C4orf50: variants seen among roughly 807,000 people sequenced by gnomAD.
The protein encoded by C4orf50 is uncharacterized protein C4orf50.
A neutral mutation model predicts 77.2 loss-of-function variants in C4orf50; 80 were observed. That is an observed-to-expected ratio of 1.04 (90% CI 0.87 to 1.25). C4orf50 has a LOEUF of 1.25. Ranked by LOEUF, C4orf50 falls within the 50% of genes most tolerant of loss-of-function variation. The pLI is 0.00. For synonymous variants in C4orf50, 532 were observed against 465.3 expected, an observed-to-expected ratio of 1.14 and a Z score of -1.84; for missense variants, 1,257 against 1,152.9, an observed-to-expected ratio of 1.09 and a Z score of -1.31.
chr4:5,952,427 C>T (rs976291794), downstream of C4orf50, among the ~76,000 whole-genome samples: 8 of 152,198 alleles, frequency 5.3e-5, no homozygotes, highest in African/African-American at 1.9e-4. The surrounding 1 kb of genome is among the most constrained non-coding windows in gnomAD (Gnocchi z 4.4). Context: ...CGGCAGGCAC[C>T]TCCAGGGCGA....
chr4:5,911,197 C>A (rs1716791585), intron 7 of C4orf50, among the ~76,000 whole-genome samples: 1 of 152,180 alleles, frequency 6.6e-6, no homozygotes, highest in South Asian at 2.1e-4. Flanking sequence ...GCGTAAGCCA[C>A]CATGCCCGGC....
intron 25 of C4orf50, among the ~76,000 whole-genome samples, chr4:5,995,546 G>C (rs1180535799): frequency 2.7e-5 from 4 of 148,322 alleles, no homozygotes; most frequent in African/African-American, 1.0e-4. Context: ...CTCACGAGGG[G>C]CTGGGCACAG....
chr4:6,006,569 A>T (rs1722260403), intron 25 of C4orf50, among the ~76,000 whole-genome samples: 1 of 152,270 alleles, frequency 6.6e-6, no homozygotes, highest in African/African-American at 2.4e-5. Context: ...CTTCATAAGC[A>T]TTACATGAAA....
chr4:5,990,679 G>C, exon 28 of C4orf50: 1 of 399,218 alleles, frequency 2.5e-6, no homozygotes, highest in East Asian at 3.6e-5. Context: ...CAGGAGAAAG[G>C]CTTCTGCAGC....
chr4:6,015,129 C>A lies in C4orf50; in HGVS notation c.287+3016G>T, dbSNP rs773353729. Among the ~76,000 whole-genome samples the A allele has an allele frequency of 1.3e-5, 2 of 152,196 alleles. No homozygotes were observed. Among genetic ancestry groups the A allele is most frequent in the African/African-American group, 4.8e-5 (2 of 41,444 alleles). On this transcript the variant is annotated intron_variant, in intron 23 of 33. Coordinates refer to ENST00000531445, the Ensembl canonical transcript of C4orf50. This position sits in a 1 kb window ranked among gnomAD's most constrained non-coding sequence, Gnocchi z 4.4. ...GCCCTGCCTTCCCCAACTCTCAGCACCCAGGACTTCTGTTATGGGCTCAAC... is the reference window on the plus strand; with the variant it reads ...GCCCTGCCTTCCCCAACTCTCAGCAACCAGGACTTCTGTTATGGGCTCAAC...
chr4:5,964,580 CA>C (rs1338504097), intron 33 of C4orf50, among the ~76,000 whole-genome samples: 4 of 151,916 alleles, frequency 2.6e-5, no homozygotes. Flanking sequence ...CCAGCCTGGC[CA>C]ACAGAGTGAA....
downstream of C4orf50, among the ~76,000 whole-genome samples, chr4:5,952,865 G>A (rs1465905218): frequency 1.3e-5 from 2 of 152,192 alleles, no homozygotes; most frequent in African/African-American, 2.4e-5. The surrounding 1 kb of genome is among the most constrained non-coding windows in gnomAD (Gnocchi z 4.4). Flanking sequence ...GGCACCGGCT[G>A]TGTGCATCCA....
chr4:5,954,355 G>C (rs114431945), downstream of C4orf50, among the ~76,000 whole-genome samples: 1 of 152,078 alleles, frequency 6.6e-6, no homozygotes, highest in African/African-American at 2.4e-5. This position sits in a 1 kb window ranked among gnomAD's most constrained non-coding sequence, Gnocchi z 4.7. Context: ...CAGCTCCCCC[G>C]ACCCCTGCCC....
downstream of C4orf50, among the ~76,000 whole-genome samples, chr4:5,954,507 G>A (rs149553200): frequency 2.1e-3 from 319 of 152,262 alleles, 2 homozygotes; most frequent in African/African-American, 7.2e-3. This position sits in a 1 kb window ranked among gnomAD's most constrained non-coding sequence, Gnocchi z 4.7. Flanking sequence ...AAGGAGAGGA[G>A]AAAAGATGGA....
At chr4:5,927,072 G>A (rs1031382654) in intron 7 of C4orf50, among the ~76,000 whole-genome samples, 17 of 152,182 alleles carry the variant, frequency 1.1e-4, no homozygotes, top group African/African-American at 3.6e-4. Context: ...AAGATAGGGA[G>A]CAGATGCATG....
chr4:5,995,051 A>G (rs1186353668), intron 25 of C4orf50, among the ~76,000 whole-genome samples: 1 of 152,156 alleles, frequency 6.6e-6, no homozygotes, highest in Non-Finnish European at 1.5e-5. Flanking sequence ...CCCCCTGCCC[A>G]TGGAAAAAAT....
rs1720985190 is a variant in C4orf50 at position 5,988,200 on chromosome 4, T to C, written c.3699+147A>G. 4 of 1,069,574 alleles carry C rather than the reference T, an allele frequency of 3.7e-6. No individual in the cohort carries two copies. In the East Asian group the frequency reaches 1.0e-4, roughly 27 times the overall value. The allele number at this position is 1,069,574 out of a possible 1,614,324, so 66.3% of individuals were successfully genotyped here. A position where few individuals can be genotyped will look rare whatever the true frequency, so the allele number is the denominator to read the frequency against. ...CTGCAGTGACTGCATTTCTCTGTTT[T>C]CTTTGTACCAACCTCCTCTCATCTG... On this transcript the variant is annotated intron_variant, in intron 28 of 33. Transcript: ENST00000531445.
rs1721370335 is a variant in C4orf50 at position 5,992,887 on chromosome 4, A to C, written c.1137T>G (p.Pro379=). 1 of 398,994 alleles carries C rather than the reference A, an allele frequency of 2.5e-6. No homozygotes were observed. Among genetic ancestry groups the C allele is most frequent in the South Asian group, 1.3e-4 (1 of 7,862 alleles). The allele number at this position is 398,994 out of a possible 1,614,324, so 24.7% of individuals were successfully genotyped here. ...GAGCCAAAACAGAAGAGGCCCGTCC[A>C]GGCCTGATGCGGCTCCAGGTGCAGG... The change falls in exon 27 of 34, where the codon CCT becomes CCG. Residue 379 remains proline (P), a synonymous_variant. Transcript: ENST00000531445. This position sits in a 1 kb window ranked among gnomAD's most constrained non-coding sequence, Gnocchi z 5.0.
At chr4:5,917,174 G>C (rs1201101988) in intron 7 of C4orf50, among the ~76,000 whole-genome samples, 1 of 152,160 alleles carries the variant, frequency 6.6e-6, no homozygotes, top group Non-Finnish European at 1.5e-5. Context: ...TGAGGCTCAA[G>C]AGTCATTGAG....
chr4:5,974,736 G>C (rs1053846826), intron 30 of C4orf50, among the ~76,000 whole-genome samples: 2 of 152,170 alleles, frequency 1.3e-5, no homozygotes, highest in Admixed American at 1.3e-4. Flanking sequence ...ACCAAATTCT[G>C]TGTCCTGCTA....
In C4orf50 at chr4:5,988,419, C is replaced by G. The variant is rs142834094; in HGVS notation, c.3627G>C (p.Glu1209Asp). 2,011 of 1,610,986 alleles carry G rather than the reference C, an allele frequency of 1.2e-3. 3 individuals carry two copies. The highest frequency in any genetic ancestry group is 1.4e-3 in the Non-Finnish European group (1,691 of 1,178,866). The change falls in exon 28 of 34, where the codon GAG becomes GAC. Residue 1209 changes from glutamate (E) to aspartate (D), a missense_variant. Physicochemically the swap from Glu to Asp is conservative, Grantham distance 45. Coordinates refer to ENST00000531445, the Ensembl canonical transcript of C4orf50. ...AACACCTGGGCCTCTTCTCCTCTTTCTCCAAATGTGCTTCTTTCACTTCTG... is the reference window on the plus strand; with the variant it reads ...AACACCTGGGCCTCTTCTCCTCTTTGTCCAAATGTGCTTCTTTCACTTCTG...
At chr4:5,991,885 T>C (rs1390823197) in intron 27 of C4orf50, among the ~76,000 whole-genome samples, 1 of 152,210 alleles carries the variant, frequency 6.6e-6, no homozygotes. Flanking sequence ...GAGCTGCCAG[T>C]GGGCAGCACC....
chr4:5,948,605 G>C (rs1301205292), intron 7 of C4orf50, among the ~76,000 whole-genome samples: 1 of 152,086 alleles, frequency 6.6e-6, no homozygotes, highest in Non-Finnish European at 1.5e-5. Context: ...GACAATCCTG[G>C]CCAACATAGT....
chr4:5,952,290 G>A (rs1464099965), downstream of C4orf50, among the ~76,000 whole-genome samples: 1 of 152,218 alleles, frequency 6.6e-6, no homozygotes, highest in African/African-American at 2.4e-5. The surrounding 1 kb of genome is among the most constrained non-coding windows in gnomAD (Gnocchi z 4.4). Flanking sequence ...TAGATAAGAA[G>A]AGGAGGAGGA....
Sources: gnomAD v4.1 joint callset for allele counts (sites outside exome capture counted in the v4.1 genomes callset) on GRCh38, gnomAD v4.1.1 for gene constraint, Gnocchi (gnomAD v3.1) non-coding constraint, MANE v1.5 for transcripts, NCBI Gene and HGNC (gene_info 2026-07-23, HGNC 2026-07-21) for gene names.